The following ZDHHC20 variants were observed in gnomAD, a reference collection of about 807,000 sequenced individuals.
ZDHHC20 encodes palmitoyltransferase ZDHHC20.
A neutral mutation model predicts 57.8 loss-of-function variants in ZDHHC20; 43 were observed. That is an observed-to-expected ratio of 0.74 (90% CI 0.58 to 0.96). The LOEUF (loss-of-function observed/expected upper bound fraction) is 0.96. Ranked by LOEUF, ZDHHC20 falls within the 40% of genes least tolerant of loss-of-function variation. The pLI is 0.00. For synonymous variants in ZDHHC20, 157 were observed against 153.0 expected, an observed-to-expected ratio of 1.03 and a Z score of -0.19; for missense variants, 391 against 441.1, an observed-to-expected ratio of 0.89 and a Z score of 1.02.
chr13:21,422,306 C>A (rs745637496), intron 2 of ZDHHC20, among the ~76,000 whole-genome samples: 6 of 151,604 alleles, frequency 4.0e-5, no homozygotes, highest in Non-Finnish European at 7.4e-5. Context: ...TGTAAGGAAG[C>A]TTTTGTAAAA....
rs1482871371 is a variant in ZDHHC20, at chr13:21,376,159, A to G, written c.*537T>C. On this transcript the variant is annotated 3_prime_UTR_variant, in exon 13 of 13. Transcript: ENST00000400590. ...TTATTAAAAATGTTGAAAAGTATAA[A>G]ATAGTAATTATAAATTAGCAAATAC... The G allele has an allele frequency of 6.6e-6, 1 of 152,232 alleles. No homozygotes were observed. The highest frequency in any genetic ancestry group is 1.5e-5 in the Non-Finnish European group (1 of 68,050). The allele number at this position is 152,232 out of a possible 1,614,324, so 9.4% of individuals were successfully genotyped here. A position where few individuals can be genotyped will look rare whatever the true frequency, so the allele number is the denominator to read the frequency against.
chr13:21,437,476 T>C (rs1882672780), intron 1 of ZDHHC20, among the ~76,000 whole-genome samples: 2 of 152,204 alleles, frequency 1.3e-5, no homozygotes, highest in South Asian at 2.1e-4. Context: ...AGAACTTTCC[T>C]AGCCAGAGAG....
At chr13:21,449,165 C>T (rs901967064) in intron 1 of ZDHHC20, among the ~76,000 whole-genome samples, 5 of 147,842 alleles carry the variant, frequency 3.4e-5, no homozygotes, top group African/African-American at 2.5e-5. Context: ...ACTATTGTCC[C>T]ATGACCCTGC....
Position 21,421,147 on chromosome 13 carries a change from G to C in ZDHHC20, c.163C>G (p.Leu55Val). 1 of 1,612,892 alleles carries C rather than the reference G, an allele frequency of 6.2e-7. No homozygotes were observed. The highest frequency in any genetic ancestry group is 8.5e-7 in the Non-Finnish European group (1 of 1,179,484). ...ACAAAGAACAGATGGAAAGCCACAAGGTAAACAACGGTCTTTCCTGGTAAA... is the reference window on the plus strand; with the variant it reads ...ACAAAGAACAGATGGAAAGCCACAACGTAAACAACGGTCTTTCCTGGTAAA... The part of the protein sequence containing the change: ...NEENGKTVVY[L>V]VAFHLFFVMF... Residue 55 changes from leucine (L) to valine (V), a missense_variant, in exon 3 of 13, where the codon CTT (leucine) becomes GTT (valine). Physicochemically the swap from Leu to Val is conservative, Grantham distance 32. Transcript: ENST00000400590.
chr13:21,448,648 C>T (rs1884118843), intron 1 of ZDHHC20, among the ~76,000 whole-genome samples: 1 of 98,844 alleles, frequency 1.0e-5, no homozygotes, highest in Admixed American at 9.5e-5. Flanking sequence ...TGAGGGGCGC[C>T]TCTGCCCGGC....
intron 5 of ZDHHC20, among the ~76,000 whole-genome samples, chr13:21,402,398 T>A (rs1280316152): frequency 1.3e-5 from 2 of 152,072 alleles, no homozygotes; most frequent in Non-Finnish European, 2.9e-5. Context: ...CCACAGATCA[T>A]CTAAAAAAAA....
intron 1 of ZDHHC20, among the ~76,000 whole-genome samples, chr13:21,447,084 G>A (rs1257740313): frequency 6.6e-6 from 1 of 151,912 alleles, no homozygotes; most frequent in East Asian, 1.9e-4. Context: ...ATAAAGGTGG[G>A]GGTGGAGCAC....
At chr13:21,445,945 C>T (rs542175137) in intron 1 of ZDHHC20, among the ~76,000 whole-genome samples, 2 of 152,022 alleles carry the variant, frequency 1.3e-5, no homozygotes, top group African/African-American at 2.4e-5. Flanking sequence ...GCTAGCCATG[C>T]GGAAATCTGG....
chr13:21,450,941 A>G (rs1566119138), intron 1 of ZDHHC20, among the ~76,000 whole-genome samples: 1 of 151,954 alleles, frequency 6.6e-6, no homozygotes, highest in African/African-American at 2.4e-5. Context: ...TTATTTTTGT[A>G]AAGGGTATTG....
chr13:21,437,122 C>G (rs999592811), intron 1 of ZDHHC20, among the ~76,000 whole-genome samples: 1 of 152,208 alleles, frequency 6.6e-6, no homozygotes. Flanking sequence ...AAGCCTAACT[C>G]AGAGCAAAGT....
Position 21,374,158 on chromosome 13 carries a change from G to C in ZDHHC20, c.*2538C>G, listed in dbSNP as rs1038968324. The C allele has an allele frequency of 1.2e-5, 2 of 172,054 alleles. No homozygotes were observed. The highest frequency in any genetic ancestry group is 2.5e-5 in the Non-Finnish European group (2 of 78,542). 10.7% of individuals were successfully genotyped at this position (172,054 alleles called of 1,614,324 possible). ...AACATTTCTGAAAGTAGTCAAGTAT[G>C]TTTTAACATTTATCTCCTTATAATA... On this transcript the variant is annotated 3_prime_UTR_variant, in exon 13 of 13. Transcript: ENST00000400590.
At chr13:21,383,078 C>T in intron 9 of ZDHHC20, 69 bp from the exon 10 acceptor site, 2 of 1,344,558 alleles carry the variant, frequency 1.5e-6, no homozygotes, top group Non-Finnish European at 2.1e-6. Flanking sequence ...ATTTAACACT[C>T]ATTTTTCAGA....
At chr13:21,454,075 C>T (rs182458560) in intron 1 of ZDHHC20, among the ~76,000 whole-genome samples, 88 of 152,216 alleles carry the variant, frequency 5.8e-4, no homozygotes, top group South Asian at 2.3e-3. Flanking sequence ...CCCGTAATCC[C>T]AGCACTTTGG....
intron 7 of ZDHHC20, 79 bp downstream of exon 7, chr13:21,400,294 T>C (rs1021095578): frequency 1.5e-6 from 2 of 1,353,480 alleles, no homozygotes. Flanking sequence ...CTACTTGTCA[T>C]AAAAAATAAA....
At chr13:21,420,918 A>G (rs1281567131) in intron 3 of ZDHHC20, 143 bp downstream of exon 3, 1 of 628,880 alleles carries the variant, frequency 1.6e-6, no homozygotes, top group Non-Finnish European at 2.8e-6. Flanking sequence ...GATGACTCAC[A>G]TTCACAGTAC....
At chr13:21,431,065 C>T (rs752801774) in intron 1 of ZDHHC20, among the ~76,000 whole-genome samples, 4 of 152,066 alleles carry the variant, frequency 2.6e-5, no homozygotes, top group Non-Finnish European at 5.9e-5. Flanking sequence ...ACCTTTTTGT[C>T]TATTATGATT....
At chr13:21,382,519 T>G (rs1472900654) in intron 10 of ZDHHC20, among the ~76,000 whole-genome samples, 1 of 152,224 alleles carries the variant, frequency 6.6e-6, no homozygotes, top group Non-Finnish European at 1.5e-5. Context: ...ATTTTGATAG[T>G]ATATTAAAAT....
chr13:21,448,556 C>T (rs1367935533), intron 1 of ZDHHC20, among the ~76,000 whole-genome samples: 4 of 95,090 alleles, frequency 4.2e-5, no homozygotes, highest in Admixed American at 2.0e-4. Context: ...AGTGAGGAGC[C>T]CCTCTGCCCG....
chr13:21,421,239 A>T (rs1030637088), intron 2 of ZDHHC20, 75 bp from the exon 3 acceptor site: 24 of 1,197,780 alleles, frequency 2.0e-5, no homozygotes, highest in Non-Finnish European at 2.9e-5. Context: ...AAAACACAAT[A>T]ATTGGGTCAG....
Sources: allele counts gnomAD v4.1 joint callset (sites outside exome capture counted in the v4.1 genomes callset), GRCh38; gene constraint gnomAD v4.1.1; transcripts MANE v1.5; gene names NCBI Gene and HGNC (gene_info 2026-07-23, HGNC 2026-07-21).